Variants in HAVCR2 observed in about 807,000 individuals in gnomAD.
HAVCR2 encodes T cell immunoglobulin mucin 3.
HAVCR2 carries 13 observed loss-of-function variants against 24.7 expected under a neutral mutation model. That is an observed-to-expected ratio of 0.53 (90% CI 0.34 to 0.84). The LOEUF (loss-of-function observed/expected upper bound fraction) is 0.84. HAVCR2 is among the 40% of genes least tolerant of loss of function. The pLI is 0.01. For missense variants in HAVCR2, 343 were observed against 371.2 expected (o/e 0.92, Z 0.62); for synonymous variants, 154 against 143.4 (o/e 1.07, Z -0.53).
At position 157,086,808 on chromosome 5, in the gene HAVCR2, C is replaced by A; in HGVS notation, c.*294G>T. 3.3e-6 allele frequency: 1 copy of A among 304,218 alleles called. No individual in the cohort carries two copies. 18.8% of individuals were successfully genotyped at this position (304,218 alleles called of 1,614,324 possible). On this transcript the variant is annotated 3_prime_UTR_variant, in exon 7 of 7. Coordinates refer to ENST00000307851, the MANE Select transcript of HAVCR2 (RefSeq NM_032782.5). Reference sequence around the variant, plus strand: ...GATGTGCCCGAATTTCCTGGAGCTCCAGAGACCCCACGTCAAGAATTCCTA... The same window carrying A: ...GATGTGCCCGAATTTCCTGGAGCTCAAGAGACCCCACGTCAAGAATTCCTA...
At chr5:157,092,813 G>A (rs1757023869) in intron 5 of HAVCR2, among the ~76,000 whole-genome samples, 1 of 136,694 alleles carries the variant, frequency 7.3e-6, no homozygotes, top group Non-Finnish European at 1.5e-5. Context: ...TGAAGTAGGA[G>A]GATCACCTGA....
rs535192315 is a variant in HAVCR2 at position 157,093,977 on chromosome 5, C to A, written c.676+1329G>T. ...TTGGGGGTACTGGAAGTATTTAGAT[C>A]TTGATTGTGATGATGGCTTCCTACT... is the stretch of plus-strand genomic sequence containing the variant. On this transcript the variant is annotated intron_variant, in intron 5 of 6. Coordinates refer to ENST00000307851, the MANE Select transcript of HAVCR2 (RefSeq NM_032782.5). 1.9e-4 allele frequency among the ~76,000 whole-genome samples: 29 copies of A among 151,410 alleles called. No individual in the cohort carries two copies. In the South Asian group the frequency reaches 4.8e-3, roughly 25 times the overall value.
intron 5 of HAVCR2, among the ~76,000 whole-genome samples, chr5:157,092,909 A>AAAAAAAAAAAAAAAAAAAC: frequency 8.7e-6 from 1 of 115,478 alleles, no homozygotes; most frequent in Non-Finnish European, 1.7e-5. Context: ...AAAAAAAAAA[A>AAAAAAAAAAAAAAAAAAAC]AAAAAAAAAC....
intron 4 of HAVCR2, among the ~76,000 whole-genome samples, chr5:157,096,561 G>A (rs1193802572): frequency 1.3e-5 from 2 of 151,706 alleles, no homozygotes; most frequent in Admixed American, 6.6e-5. Flanking sequence ...GGCAGATCAC[G>A]AGGTCAGGAG....
At chr5:157,098,960 C>A in intron 3 of HAVCR2, 59 bp from the exon 4 acceptor site, 1 of 1,504,548 alleles carries the variant, frequency 6.6e-7, no homozygotes, top group East Asian at 2.3e-5. Context: ...TAGTTAAGAA[C>A]GTTTTCTTTT....
chr5:157,086,519 AT>A lies in HAVCR2; in HGVS notation c.*582del, dbSNP rs1756914657. On this transcript the variant is annotated 3_prime_UTR_variant, in exon 7 of 7. Coordinates refer to ENST00000307851, the MANE Select transcript of HAVCR2 (RefSeq NM_032782.5). ...ACAAATTAGCTGGGCATGGTGGTGC[AT>A]GCCTGTAATCCCAGCCACTCAGGAG... is the stretch of plus-strand genomic sequence containing the variant. 1 of 152,556 alleles carries A rather than the reference AT, an allele frequency of 6.6e-6. No individual in the cohort carries two copies. Among genetic ancestry groups the A allele is most frequent in the South Asian group, 2.1e-4 (1 of 4,842 alleles). 9.5% of individuals were successfully genotyped at this position (152,556 alleles called of 1,614,324 possible).
At position 157,086,965 on chromosome 5, in the gene HAVCR2, A is replaced by G; in HGVS notation, c.*137T>C. ...CAGTGCAGGTCCCAGTTCAATTCCC[A>G]TGTGAGTCATTATCTTCTGAAAATG... On this transcript the variant is annotated 3_prime_UTR_variant, in exon 7 of 7. Coordinates refer to ENST00000307851, the MANE Select transcript of HAVCR2 (RefSeq NM_032782.5). 4.2e-6 allele frequency: 3 copies of G among 709,574 alleles called. No individual in the cohort carries two copies. Among genetic ancestry groups the G allele is most frequent in the East Asian group, 5.5e-5 (2 of 36,382 alleles). 44.0% of individuals were successfully genotyped at this position (709,574 alleles called of 1,614,324 possible).
intron 3 of HAVCR2, among the ~76,000 whole-genome samples, 190 bp downstream of exon 3, chr5:157,104,476 A>G (rs1757218054): frequency 6.6e-6 from 1 of 152,184 alleles, no homozygotes. Flanking sequence ...AAATAATCCT[A>G]AGCCAGACCA....
rs1756921308 is a variant in HAVCR2 at position 157,086,890 on chromosome 5, G to A, written c.*212C>T. On this transcript the variant is annotated 3_prime_UTR_variant, in exon 7 of 7. Coordinates refer to ENST00000307851, the MANE Select transcript of HAVCR2 (RefSeq NM_032782.5). Reference sequence around the variant, plus strand: ...TCCATGATTAACAGTCTCTGGGTTGGGTAACTCTGTTGGCTTAAATACAGA... The same window carrying A: ...TCCATGATTAACAGTCTCTGGGTTGAGTAACTCTGTTGGCTTAAATACAGA... 1 of 521,670 alleles carries A rather than the reference G, an allele frequency of 1.9e-6. No individual in the cohort carries two copies. The highest frequency in any genetic ancestry group is 3.3e-6 in the Non-Finnish European group (1 of 299,454). The allele number at this position is 521,670 out of a possible 1,614,324, so 32.3% of individuals were successfully genotyped here. A position where few individuals can be genotyped will look rare whatever the true frequency, so the allele number is the denominator to read the frequency against.
chr5:157,087,984 G>T (rs969569500), intron 6 of HAVCR2, among the ~76,000 whole-genome samples: 2 of 152,074 alleles, frequency 1.3e-5, no homozygotes, highest in Non-Finnish European at 2.9e-5. Flanking sequence ...TTGATGCTGG[G>T]TCTTTCTCTG....
chr5:157,098,957 G>A, intron 3 of HAVCR2, 56 bp from the exon 4 acceptor site: 1 of 1,519,210 alleles, frequency 6.6e-7, no homozygotes, highest in East Asian at 2.3e-5. Flanking sequence ...GTATAGTTAA[G>A]AACGTTTTCT....
chr5:157,095,525 G>T, intron 4 of HAVCR2, 66 bp from the exon 5 acceptor site: 1 of 1,574,292 alleles, frequency 6.4e-7, no homozygotes, highest in Non-Finnish European at 8.7e-7. Flanking sequence ...TCAGCTTCAA[G>T]ATTTGTGAAT....
intron 5 of HAVCR2, among the ~76,000 whole-genome samples, chr5:157,092,912 A>AT (rs1757027891): frequency 8.7e-6 from 1 of 114,532 alleles, no homozygotes; most frequent in African/African-American, 3.0e-5. Flanking sequence ...AAAAAAAAAA[A>AT]AAAAAACTAG....
chr5:157,099,924 G>A (rs62381174), intron 3 of HAVCR2, among the ~76,000 whole-genome samples: 114,799 of 151,868 alleles, frequency 0.76, 43,441 homozygotes, highest in East Asian at 0.93. Context: ...TCGAACTCCT[G>A]ACCTCAAGTG....
intron 4 of HAVCR2, among the ~76,000 whole-genome samples, chr5:157,097,103 G>A (rs1359689562): frequency 1.3e-5 from 2 of 152,116 alleles, no homozygotes; most frequent in African/African-American, 4.8e-5. Context: ...TGTGCATTAA[G>A]CATTGTGGGC....
chr5:157,096,927 AACACACACACAC>A lies in HAVCR2; in HGVS notation c.523-1480_523-1469del, dbSNP rs34799337. 8.4e-5 allele frequency among the ~76,000 whole-genome samples: 12 copies of A among 142,954 alleles called. No homozygotes were observed. The South Asian group carries it at 1.2e-3, about 14-fold the overall frequency. The allele number at this position is 142,954 out of a possible 152,430, so 93.8% of individuals were successfully genotyped here. On this transcript the variant is annotated intron_variant, in intron 4 of 6. Transcript: ENST00000307851. ...TAATATTGAGACCCCATTTATACAAAACACACACACACACACACACACACACACACACACACA... is the reference window on the plus strand; with the variant it reads ...TAATATTGAGACCCCATTTATACAAAACACACACACACACACACACACACA...
chr5:157,108,267 G>T (rs1414670131), intron 1 of HAVCR2, among the ~76,000 whole-genome samples: 2 of 152,070 alleles, frequency 1.3e-5, no homozygotes, highest in Non-Finnish European at 2.9e-5. Context: ...CAGATTACTT[G>T]AGGCCATGAG....
chr5:157,098,931 G>GAGA (rs1554095629), intron 3 of HAVCR2, 30 bp from the exon 4 acceptor site: 13 of 1,540,462 alleles, frequency 8.4e-6, no homozygotes, highest in African/African-American at 1.4e-5. Context: ...GAGAGAGAGA[G>GAGA]GAAAAATAGC....
intron 3 of HAVCR2, 117 bp from the exon 4 acceptor site, chr5:157,099,018 A>G: frequency 1.1e-6 from 1 of 886,932 alleles, no homozygotes; most frequent in South Asian, 1.9e-5. Context: ...CCTATTTGAA[A>G]TGAATTCTAC....
Sources: allele counts gnomAD v4.1 joint callset (sites outside exome capture counted in the v4.1 genomes callset), GRCh38; gene constraint gnomAD v4.1.1; transcripts MANE v1.5; gene names NCBI Gene and HGNC (gene_info 2026-07-23, HGNC 2026-07-21).